Variants in GALNT13 observed in about 807,000 individuals in gnomAD.
The protein encoded by GALNT13 is UDP-GalNAc:polypeptide N-acetylgalactosaminyltransferase 13.
A neutral mutation model predicts 64.2 loss-of-function variants in GALNT13; 28 were observed. The ratio of observed to expected loss-of-function variants is 0.44; its 90% CI spans 0.32 to 0.60. GALNT13 has a LOEUF of 0.60. Among genes scored for constraint, GALNT13 ranks in the 20% least tolerant of loss-of-function variants. GALNT13 has a pLI of 0.05. For synonymous variants in GALNT13, 214 were observed against 224.6 expected, an observed-to-expected ratio of 0.95 and a Z score of 0.42; for missense variants, 577 against 669.8, an observed-to-expected ratio of 0.86 and a Z score of 1.53.
chr2:153,478,642 G>T, the GALNT13 span: 2 of 1,209,920 alleles, frequency 1.7e-6, no homozygotes, highest in African/African-American at 1.5e-5. Flanking sequence ...AACAGGTGCC[G>T]GGCTGAGCGC....
chr2:153,468,333 G>GA, the GALNT13 span, among the ~76,000 whole-genome samples: 1 of 152,034 alleles, frequency 6.6e-6, no homozygotes, highest in Non-Finnish European at 1.5e-5. Context: ...AGTCCGTGAA[G>GA]TCTTTGTTTG....
the GALNT13 span, among the ~76,000 whole-genome samples, chr2:153,099,863 T>C: frequency 6.6e-6 from 1 of 152,196 alleles, no homozygotes; most frequent in Non-Finnish European, 1.5e-5. Flanking sequence ...AACTGTAGAA[T>C]TGACTGGGGC....
chr2:154,355,734 T>C (rs1277084761), intron 9 of GALNT13, among the ~76,000 whole-genome samples: 1 of 152,030 alleles, frequency 6.6e-6, no homozygotes, highest in Non-Finnish European at 1.5e-5. Flanking sequence ...ATAAAATGAG[T>C]ACTTTCCCAA....
intron 8 of GALNT13, among the ~76,000 whole-genome samples, chr2:154,287,814 A>C (rs1559069203): frequency 6.6e-6 from 1 of 151,980 alleles, no homozygotes; most frequent in African/African-American, 2.4e-5. Context: ...TTTGAAATGT[A>C]TTTTCCTATT....
intron 9 of GALNT13, among the ~76,000 whole-genome samples, chr2:154,314,692 T>C (rs1694234491): frequency 6.6e-6 from 1 of 151,916 alleles, no homozygotes; most frequent in Non-Finnish European, 1.5e-5. Flanking sequence ...AGTTTCCTTT[T>C]AACAACTAGC....
In GALNT13 at chr2:154,106,080, A is replaced by G. The variant is rs528134827; in HGVS notation, c.143-34257A>G. ...TGATCATTCTTTGTATATTTTGGGT[A>G]GATGTCCTTTGTCAGATATAGGTTT... On this transcript the variant is annotated intron_variant, in intron 3 of 12. Transcript: ENST00000392825. Among the ~76,000 whole-genome samples the G allele has an allele frequency of 3.3e-5, 5 of 152,302 alleles. No homozygotes were observed. The South Asian group carries it at 8.3e-4, about 25-fold the overall frequency.
intron 4 of GALNT13, among the ~76,000 whole-genome samples, chr2:154,208,971 A>T (rs1244319341): frequency 6.6e-6 from 1 of 152,164 alleles, no homozygotes; most frequent in Non-Finnish European, 1.5e-5. Flanking sequence ...TTCAGTAAGT[A>T]GGTCTGTATT....
At chr2:154,444,258 T>C (rs1373471906) in intron 12 of GALNT13, among the ~76,000 whole-genome samples, 1 of 152,062 alleles carries the variant, frequency 6.6e-6, no homozygotes, top group African/African-American at 2.4e-5. Flanking sequence ...AAAGAGCATA[T>C]CAACCCTTAA....
the GALNT13 span, among the ~76,000 whole-genome samples, chr2:153,089,659 T>A: frequency 6.6e-6 from 1 of 152,022 alleles, no homozygotes; most frequent in African/African-American, 2.4e-5. Context: ...TTGGAGGCTT[T>A]TTTTAATTCT....
intron 2 of GALNT13, among the ~76,000 whole-genome samples, chr2:153,904,903 A>G (rs895849798): frequency 1.3e-5 from 2 of 151,840 alleles, no homozygotes; most frequent in Admixed American, 6.6e-5. Context: ...ATACTGGACA[A>G]TTCTCTCCTT....
chr2:153,397,903 GT>G, the GALNT13 span, among the ~76,000 whole-genome samples: 1 of 151,842 alleles, frequency 6.6e-6, no homozygotes, highest in Non-Finnish European at 1.5e-5. Flanking sequence ...GAATACATAG[GT>G]GAACAGATTT....
chr2:153,619,245 C>G, the GALNT13 span, among the ~76,000 whole-genome samples: 1 of 151,980 alleles, frequency 6.6e-6, no homozygotes, highest in East Asian at 1.9e-4. Context: ...TTATAACCCA[C>G]TATTTCAACC....
chr2:153,891,077 G>A (rs1024340442), intron 1 of GALNT13, among the ~76,000 whole-genome samples: 3 of 151,920 alleles, frequency 2.0e-5, no homozygotes, highest in Admixed American at 2.0e-4. Context: ...TTTGCTATTT[G>A]TAGATTAGAA....
chr2:153,287,720 G>A, the GALNT13 span, among the ~76,000 whole-genome samples: 2 of 152,006 alleles, frequency 1.3e-5, no homozygotes, highest in African/African-American at 4.8e-5. Context: ...TGTGTTCTTC[G>A]GCTGGCATGT....
chr2:153,199,062 C>G, the GALNT13 span, among the ~76,000 whole-genome samples: 1 of 152,176 alleles, frequency 6.6e-6, no homozygotes, highest in South Asian at 2.1e-4. Flanking sequence ...ACTTTCAAGT[C>G]TGTAACAATA....
intron 12 of GALNT13, among the ~76,000 whole-genome samples, chr2:154,439,081 C>G (rs1701149091): frequency 6.6e-6 from 1 of 152,070 alleles, no homozygotes; most frequent in South Asian, 2.1e-4. Flanking sequence ...TCCATATTTT[C>G]AAATTTTAAA....
chr2:153,235,964 T>G, the GALNT13 span, among the ~76,000 whole-genome samples: 1 of 152,178 alleles, frequency 6.6e-6, no homozygotes, highest in Non-Finnish European at 1.5e-5. Context: ...GAAAAGATCC[T>G]GAAGAAAATT....
At chr2:153,993,862 G>A (rs1048734175) in intron 3 of GALNT13, among the ~76,000 whole-genome samples, 9 of 151,780 alleles carry the variant, frequency 5.9e-5, no homozygotes, top group Non-Finnish European at 1.3e-4. Context: ...TACTTAGATC[G>A]TTTTTCTTTT....
the GALNT13 span, among the ~76,000 whole-genome samples, chr2:153,495,098 CT>C: frequency 2.0e-5 from 3 of 151,880 alleles, no homozygotes; most frequent in South Asian, 4.2e-4. Flanking sequence ...TTTTGCCTTT[CT>C]TTTTTTTCCC....
Sources: allele counts gnomAD v4.1 joint callset (sites outside exome capture counted in the v4.1 genomes callset), GRCh38; gene constraint gnomAD v4.1.1; transcripts MANE v1.5; gene names NCBI Gene and HGNC (gene_info 2026-07-23, HGNC 2026-07-21).